DMBT1: variants seen among roughly 807,000 people sequenced by gnomAD.
DMBT1 encodes the protein deleted in malignant brain tumors 1.
DMBT1 carries 198 observed loss-of-function variants against 252.9 expected under a neutral mutation model. The observed-to-expected ratio is 0.78, with a 90% CI of 0.70 to 0.88. DMBT1 has a LOEUF of 0.88. Among genes scored for constraint, DMBT1 ranks in the 40% least tolerant of loss-of-function variants. DMBT1 has a pLI of 0.00. For missense variants in DMBT1, 2,432 were observed against 2,404.7 expected, an observed-to-expected ratio of 1.01 and a Z score of -0.24; for synonymous variants, 990 against 942.7, an observed-to-expected ratio of 1.05 and a Z score of -0.92.
intron 40 of DMBT1, among the ~76,000 whole-genome samples, chr10:122,617,787 T>G (rs1421820060): frequency 1.3e-5 from 2 of 151,514 alleles, no homozygotes; most frequent in Non-Finnish European, 2.9e-5. Flanking sequence ...TCACTTCCAG[T>G]GGGGTCACAG....
Position 122,633,226 on chromosome 10 carries a change from T to A in DMBT1, c.6433T>A (p.Ser2145Thr), listed in dbSNP as rs377323485. The change falls in exon 52 of 56, where the codon TCA (serine) becomes ACA (threonine). Residue 2145 changes from serine (S) to threonine (T), a missense_variant. Physicochemically the swap from Ser to Thr is moderately conservative, Grantham distance 58. Coordinates refer to ENST00000338354, the MANE Select transcript of DMBT1 (RefSeq NM_001377530.1). ...YSCGGFLSQP[S>T]GDFSSPFYPG... ...CTGCGGAGGCTTCCTATCCCAACCATCAGGGGACTTTTCCAGCCCATTCTA... is the reference window on the plus strand; with the variant it reads ...CTGCGGAGGCTTCCTATCCCAACCAACAGGGGACTTTTCCAGCCCATTCTA... 3.0e-5 allele frequency: 48 copies of A among 1,613,904 alleles called. No individual in the cohort carries two copies. The African/African-American group carries it at 6.3e-4, about 21-fold the overall frequency.
chr10:122,563,214 C>T (rs2133496645), intron 1 of DMBT1, among the ~76,000 whole-genome samples: 1 of 152,354 alleles, frequency 6.6e-6, no homozygotes, highest in Admixed American at 6.5e-5. Flanking sequence ...CAATGCCCCT[C>T]CTCTGCCACT....
intron 16 of DMBT1, among the ~76,000 whole-genome samples, chr10:122,588,592 C>A (rs1266103169): frequency 6.7e-6 from 1 of 148,748 alleles, no homozygotes; most frequent in Admixed American, 6.7e-5. Flanking sequence ...CAGGGAGGAC[C>A]ATGGGGGTGC....
intron 26 of DMBT1, among the ~76,000 whole-genome samples, chr10:122,599,561 T>C (rs1283132511): frequency 6.6e-6 from 1 of 152,128 alleles, no homozygotes; most frequent in Non-Finnish European, 1.5e-5. Context: ...GGAGTGCAAA[T>C]GGGTGTCTGA....
chr10:122,620,176 C>A, intron 42 of DMBT1, 77 bp from the exon 43 acceptor site: 1 of 1,465,988 alleles, frequency 6.8e-7, no homozygotes, highest in Non-Finnish European at 9.6e-7. Flanking sequence ...ATGATGCTTG[C>A]CTGGTTCAGA....
intron 16 of DMBT1, among the ~76,000 whole-genome samples, chr10:122,588,492 T>G (rs1269344990): frequency 6.7e-6 from 1 of 149,096 alleles, no homozygotes; most frequent in African/African-American, 2.4e-5. Flanking sequence ...CCTCCAGCCA[T>G]GCACTGCAGA....
chr10:122,632,659 A>C (rs139215881), intron 50 of DMBT1, among the ~76,000 whole-genome samples: 18 of 151,902 alleles, frequency 1.2e-4, no homozygotes, highest in African/African-American at 4.3e-4. Flanking sequence ...GCTTTGGTCA[A>C]TCTCATCCTT....
rs576471928 is a variant in DMBT1 at position 122,587,768 on chromosome 10, C to T, written c.1784-1176C>T. 2.0e-5 allele frequency among the ~76,000 whole-genome samples: 3 copies of T among 148,798 alleles called. No homozygotes were observed. The East Asian group carries it at 6.2e-4, about 31-fold the overall frequency. On this transcript the variant is annotated intron_variant, in intron 16 of 55. Coordinates refer to ENST00000338354, the MANE Select transcript of DMBT1 (RefSeq NM_001377530.1). ...TCCACTTGCCAGGAGACTTTATACT[C>T]CTTTGGGCAGCTCCCTGATCCTTCT...
intron 46 of DMBT1, 81 bp from the exon 47 acceptor site, chr10:122,629,759 A>G: frequency 6.7e-7 from 1 of 1,497,752 alleles, no homozygotes; most frequent in South Asian, 1.3e-5. Flanking sequence ...ATGAAACTGG[A>G]TGATACTTAC....
Position 122,576,685 on chromosome 10 carries a change from C to A in DMBT1, c.570C>A (p.Asn190Lys). 1.2e-6 allele frequency: 2 copies of A among 1,613,776 alleles called. No individual in the cohort carries two copies. Among genetic ancestry groups the A allele is most frequent in the Non-Finnish European group, 1.7e-6 (2 of 1,179,724 alleles). Residue 190 changes from asparagine (N) to lysine (K), a missense_variant, in exon 7 of 56, where the codon AAC becomes AAA. Physicochemically the swap from Asn to Lys is moderately conservative, Grantham distance 94 (BLOSUM62 0). Around this residue, in one of 3 missense-constraint regions of DMBT1, gnomAD observed 1,264 missense variants for 1,082.2 expected, o/e 1.17. Transcript: ENST00000338354. ...SCPHNGWLSHNCGHGEDAGVI... is the reference protein window; with the variant it reads ...SCPHNGWLSHKCGHGEDAGVI... ...CCCACAATGGCTGGCTCTCCCATAA[C>A]TGTGGCCATGGTGAAGATGCTGGTG...
chr10:122,629,965 C>T lies in DMBT1; in HGVS notation c.5794C>T (p.Arg1932Cys), dbSNP rs373094462. The T allele has an allele frequency of 7.4e-5, 119 of 1,613,882 alleles. No individual in the cohort carries two copies. The highest frequency in any genetic ancestry group is 3.3e-4 in the Middle Eastern group (2 of 6,084). Residue 1932 changes from arginine (R) to cysteine (C), a missense_variant, in exon 47 of 56, where the codon CGC (arginine) becomes TGC (cysteine). Arg to Cys is a radical substitution (Grantham distance 180, BLOSUM62 -3). Around this residue, in one of 3 missense-constraint regions of DMBT1, gnomAD observed 1,162 missense variants for 1,169.0 expected, o/e 0.99. Transcript: ENST00000338354. ...VWEIEVNSGY[R>C]INLGFSNLKL... is the part of the protein sequence containing the mutation. ...GGAAATAGAAGTGAATTCTGGTTAT[C>T]GCATAAACCTGGGCTTCAGTAATCT...
intron 18 of DMBT1, 113 bp from the exon 19 acceptor site, chr10:122,591,365 AG>A: frequency 8.1e-7 from 1 of 1,231,578 alleles, no homozygotes; most frequent in Non-Finnish European, 1.2e-6. Context: ...AGCAAGTGGC[AG>A]GAACTAGAAA....
At chr10:122,577,565 C>T (rs141319682) in intron 7 of DMBT1, among the ~76,000 whole-genome samples, 5 of 152,242 alleles carry the variant, frequency 3.3e-5, no homozygotes, top group African/African-American at 7.2e-5. Context: ...TTGTTGTGGC[C>T]GGTCCCAGGC....
intron 2 of DMBT1, among the ~76,000 whole-genome samples, chr10:122,567,185 A>G (rs1011195667): frequency 4.6e-5 from 7 of 152,214 alleles, no homozygotes; most frequent in Non-Finnish European, 1.0e-4. Flanking sequence ...ATTTCTGACC[A>G]ACACAGAGCA....
chr10:122,562,135 CT>C (rs1444486732), intron 1 of DMBT1, among the ~76,000 whole-genome samples: 2 of 151,834 alleles, frequency 1.3e-5, no homozygotes, highest in African/African-American at 2.4e-5. Flanking sequence ...CCTTCCATCC[CT>C]TTTTCTTTCT....
At chr10:122,599,688 C>A (rs572343966) in intron 26 of DMBT1, among the ~76,000 whole-genome samples, 1 of 152,190 alleles carries the variant, frequency 6.6e-6, no homozygotes, top group African/African-American at 2.4e-5. Context: ...CCCATGAGGC[C>A]GGCCAGGCAT....
chr10:122,576,834 T>C (rs2133544481), intron 7 of DMBT1, 112 bp downstream of exon 7: 2 of 1,345,382 alleles, frequency 1.5e-6, no homozygotes, highest in African/African-American at 1.4e-5. Context: ...CAAGACCAGC[T>C]CTAGGCAAGA....
chr10:122,593,487 C>A lies in DMBT1; in HGVS notation c.2501-82C>A, dbSNP rs1030827844. On this transcript the variant is annotated intron_variant, in intron 20 of 55. Transcript: ENST00000338354. Reference sequence around the variant, plus strand: ...TAGGATGGACTGAGTGTCAGACTCGCTCATTTCTTTCCCTCCTCGTTCCAG... The same window carrying A: ...TAGGATGGACTGAGTGTCAGACTCGATCATTTCTTTCCCTCCTCGTTCCAG... 1.8e-5 allele frequency: 25 copies of A among 1,422,196 alleles called. 3 individuals carry two copies. The African/African-American group carries it at 3.4e-4, about 20-fold the overall frequency. 88.1% of individuals were successfully genotyped at this position (1,422,196 alleles called of 1,614,324 possible). A position where few individuals can be genotyped will look rare whatever the true frequency, so the allele number is the denominator to read the frequency against.
At position 122,577,802 on chromosome 10, in the gene DMBT1, T is replaced by C; in HGVS notation, c.608-9T>C. On this transcript the variant is annotated splice_polypyrimidine_tract_variant and intron_variant, in intron 7 of 55. Transcript: ENST00000338354. The stretch of plus-strand genomic sequence containing the variant: ...TTTGGTGTCTAATGTTGCTATTTTT[T>C]TCTCACAGCTGCCCAGCCTCAGTCA... 1 of 1,613,656 alleles carries C rather than the reference T, an allele frequency of 6.2e-7. No individual in the cohort carries two copies.
Sources: allele counts gnomAD v4.1 joint callset (sites outside exome capture counted in the v4.1 genomes callset), GRCh38; gene constraint gnomAD v4.1.1; regional missense constraint gnomAD v4.1.1; transcripts MANE v1.5; gene names NCBI Gene and HGNC (gene_info 2026-07-23, HGNC 2026-07-21).